Variants in CEP55 observed in about 807,000 individuals in gnomAD.
CEP55 encodes centrosomal protein of 55 kDa.
Under a neutral mutation model 63.2 loss-of-function variants are expected in CEP55, and 57 were observed. That is an observed-to-expected ratio of 0.90 (90% CI 0.73 to 1.13). CEP55 has a LOEUF of 1.13. Among genes scored for constraint, CEP55 ranks in the 50% most tolerant of loss-of-function variants. The probability of loss-of-function intolerance (pLI) is 0.00; values close to 1 mark genes in which losing one functional copy is unlikely to be tolerated. For synonymous variants in CEP55, 178 were observed against 191.6 expected (o/e 0.93, Z 0.59); for missense variants, 456 against 518.9 (o/e 0.88, Z 1.18).
chr10:93,507,413 G>T (rs1043207378), intron 4 of CEP55, among the ~76,000 whole-genome samples: 4 of 151,676 alleles, frequency 2.6e-5, no homozygotes, highest in African/African-American at 9.7e-5. Flanking sequence ...GTAGAGATGG[G>T]GTTTCACCAT....
chr10:93,508,144 A>T (rs1480054965), intron 4 of CEP55, among the ~76,000 whole-genome samples: 1 of 152,170 alleles, frequency 6.6e-6, no homozygotes, highest in African/African-American at 2.4e-5. Flanking sequence ...TATACAGTAA[A>T]GCTGTATTAT....
chr10:93,524,803 G>A lies in CEP55; in HGVS notation c.1192-3147G>A, dbSNP rs1418601961. 2.0e-4 allele frequency among the ~76,000 whole-genome samples: 30 copies of A among 152,146 alleles called. 1 individual carries two copies. Among genetic ancestry groups the A allele is most frequent in the Non-Finnish European group, 3.7e-4 (25 of 68,012 alleles). ...GTTCAACATACGCAAATCAATAAAC[G>A]TAATCCAGCATATAAACAGAACCAA... On this transcript the variant is annotated intron_variant, in intron 8 of 8. Transcript: ENST00000371485.
Position 93,496,635 on chromosome 10 carries a change from AC to A in CEP55, c.-299del, listed in dbSNP as rs2057570828. The A allele has an allele frequency of 6.6e-6, 1 of 152,018 alleles. No individual in the cohort carries two copies. Among genetic ancestry groups the A allele is most frequent in the African/African-American group, 2.4e-5 (1 of 41,390 alleles). The allele number at this position is 152,018 out of a possible 1,614,324, so 9.4% of individuals were successfully genotyped here. ...TCAAACTCCCGGAAGCGGCATCCAC[AC>A]CTGATGGTGTGACTCGGCCGACGCG... On this transcript the variant is annotated 5_prime_UTR_variant, in exon 1 of 9. Transcript: ENST00000371485.
chr10:93,500,253 C>T lies in CEP55; in HGVS notation c.183+19C>T, dbSNP rs762924809. ...TTTGGAGGTAAATGGTCTTCTGATCCTTTAAATTGTAAGCTCTCCAAGAAA... is the reference window on the plus strand; with the variant it reads ...TTTGGAGGTAAATGGTCTTCTGATCTTTTAAATTGTAAGCTCTCCAAGAAA... On this transcript the variant is annotated intron_variant, in intron 2 of 8. Coordinates refer to ENST00000371485, the MANE Select transcript of CEP55 (RefSeq NM_018131.5). 1.3e-6 allele frequency: 2 copies of T among 1,578,960 alleles called. No individual in the cohort carries two copies. The highest frequency in any genetic ancestry group is 1.7e-6 in the Non-Finnish European group (2 of 1,161,464).
intron 3 of CEP55, among the ~76,000 whole-genome samples, chr10:93,504,990 T>A (rs2057673550): frequency 6.6e-6 from 1 of 152,024 alleles, no homozygotes; most frequent in African/African-American, 2.4e-5. Flanking sequence ...TTTTGTATTA[T>A]TAATAGAGAC....
chr10:93,519,606 A>C (rs1043175145), intron 7 of CEP55, 76 bp from the exon 8 acceptor site: 1 of 1,504,550 alleles, frequency 6.6e-7, no homozygotes, highest in Non-Finnish European at 9.0e-7. Flanking sequence ...GTGCTAATAA[A>C]AAAATGTGAG....
chr10:93,497,203 C>T (rs1420844464), intron 1 of CEP55, among the ~76,000 whole-genome samples: 1 of 152,204 alleles, frequency 6.6e-6, no homozygotes, highest in African/African-American at 2.4e-5. Context: ...GATGGAAGCG[C>T]TTGTTTGGTC....
At chr10:93,523,413 A>C (rs994501878) in intron 8 of CEP55, among the ~76,000 whole-genome samples, 1 of 152,202 alleles carries the variant, frequency 6.6e-6, no homozygotes, top group Non-Finnish European at 1.5e-5. Context: ...TATGCACCCA[A>C]TACAGGAGCA....
intron 1 of CEP55, among the ~76,000 whole-genome samples, chr10:93,497,726 G>C (rs1394746402): frequency 6.6e-6 from 1 of 151,764 alleles, no homozygotes; most frequent in African/African-American, 2.4e-5. Context: ...TAGGGGTGGG[G>C]GTGGGGCAGC....
At chr10:93,516,728 T>C (rs2057806910) in intron 5 of CEP55, among the ~76,000 whole-genome samples, 1 of 152,246 alleles carries the variant, frequency 6.6e-6, no homozygotes, top group Admixed American at 6.5e-5. Flanking sequence ...TGTTTTTAGT[T>C]CTTCTATTTG....
intron 2 of CEP55, among the ~76,000 whole-genome samples, chr10:93,501,577 G>C (rs530888256): frequency 5.2e-4 from 79 of 152,032 alleles, no homozygotes; most frequent in Non-Finnish European, 1.0e-3. Flanking sequence ...GCTGAGGCAG[G>C]AGAATCGCAT....
intron 1 of CEP55, among the ~76,000 whole-genome samples, chr10:93,497,990 C>T (rs1215376185): frequency 6.6e-6 from 1 of 151,926 alleles, no homozygotes; most frequent in East Asian, 1.9e-4. Flanking sequence ...GGCGTGGTGA[C>T]GCGCACCTGT....
At chr10:93,509,468 CATTATTATTATT>C (rs10606106) in intron 4 of CEP55, among the ~76,000 whole-genome samples, 12 of 147,212 alleles carry the variant, frequency 8.2e-5, no homozygotes, top group East Asian at 4.0e-4. Flanking sequence ...GAACCATTAA[CATTATTATTATT>C]ATTATTATTA....
chr10:93,518,675 G>A (rs1812899847), intron 6 of CEP55, among the ~76,000 whole-genome samples: 1 of 152,318 alleles, frequency 6.6e-6, no homozygotes. Flanking sequence ...GTGCCTCAGG[G>A]AACTCTCGGC....
chr10:93,509,477 T>C (rs2057721063), intron 4 of CEP55, among the ~76,000 whole-genome samples: 1 of 149,170 alleles, frequency 6.7e-6, no homozygotes, highest in Non-Finnish European at 1.5e-5. Context: ...ACATTATTAT[T>C]ATTATTATTA....
intron 8 of CEP55, among the ~76,000 whole-genome samples, chr10:93,525,407 CT>C (rs2057911469): frequency 6.6e-6 from 1 of 152,168 alleles, no homozygotes. Context: ...TCAAGGACAA[CT>C]ACAAACCACT....
Position 93,517,073 on chromosome 10 carries a change from A to G in CEP55, c.818A>G (p.Gln273Arg), listed in dbSNP as rs1482870180. 1.2e-6 allele frequency: 2 copies of G among 1,614,104 alleles called. No homozygotes were observed. Among genetic ancestry groups the G allele is most frequent in the Non-Finnish European group, 8.5e-7 (1 of 1,179,958 alleles). Reference sequence around the variant, plus strand: ...TTTCGAAGAAAATATGAAGAAACCCAAAAAGAAGTTCACAATTTAAATCAG... The same window carrying G: ...TTTCGAAGAAAATATGAAGAAACCCGAAAAGAAGTTCACAATTTAAATCAG... ...SEFRRKYEET[Q>R]KEVHNLNQLL... Residue 273 changes from glutamine to arginine, a missense_variant, in exon 6 of 9, where the codon CAA becomes CGA. Gln to Arg is a conservative substitution (Grantham distance 43). Transcript: ENST00000371485.
chr10:93,526,351 C>T (rs1364577609), intron 8 of CEP55, among the ~76,000 whole-genome samples: 4 of 152,114 alleles, frequency 2.6e-5, no homozygotes, highest in Non-Finnish European at 4.4e-5. Flanking sequence ...TCATCACTGG[C>T]CATCAGAGAA....
intron 4 of CEP55, among the ~76,000 whole-genome samples, chr10:93,514,834 A>G (rs2057786476): frequency 1.3e-5 from 2 of 152,296 alleles, no homozygotes; most frequent in Non-Finnish European, 2.9e-5. Flanking sequence ...GTGCAGGGGC[A>G]TGATCTCAGC....
Sources: allele counts gnomAD v4.1 joint callset (sites outside exome capture counted in the v4.1 genomes callset), GRCh38; gene constraint gnomAD v4.1.1; transcripts MANE v1.5; gene names NCBI Gene and HGNC (gene_info 2026-07-23, HGNC 2026-07-21).